EIF4EBP1: variants seen among roughly 807,000 people sequenced by gnomAD.
EIF4EBP1 encodes the protein eukaryotic translation initiation factor 4E-binding protein 1.
A neutral mutation model predicts 9.2 loss-of-function variants in EIF4EBP1; 5 were observed. That is an observed-to-expected ratio of 0.54 (90% CI 0.28 to 1.14). The LOEUF (loss-of-function observed/expected upper bound fraction) is 1.14, where lower values mean the gene tolerates loss of function less well. EIF4EBP1 is among the 50% of genes most tolerant of loss of function. The pLI, the probability that EIF4EBP1 is intolerant of heterozygous loss-of-function variation, is 0.09. For missense variants in EIF4EBP1, 139 were observed against 169.6 expected (o/e 0.82, Z 1.00); for synonymous variants, 62 against 67.0 (o/e 0.93, Z 0.36).
intron 1 of EIF4EBP1, among the ~76,000 whole-genome samples, chr8:38,032,847 C>T (rs989079536): frequency 2.0e-5 from 3 of 152,168 alleles, no homozygotes; most frequent in African/African-American, 7.2e-5. Context: ...TGGACTCTTC[C>T]TCCAAAGCCC....
intron 1 of EIF4EBP1, among the ~76,000 whole-genome samples, chr8:38,034,988 C>T (rs749001950): frequency 3.1e-4 from 47 of 152,148 alleles, no homozygotes; most frequent in Non-Finnish European, 5.7e-4. Flanking sequence ...GGTGCGGTGG[C>T]TCACTCCTGT....
At chr8:38,040,010 T>G (rs1585523917) in intron 1 of EIF4EBP1, among the ~76,000 whole-genome samples, 1 of 152,170 alleles carries the variant, frequency 6.6e-6, no homozygotes, top group African/African-American at 2.4e-5. Context: ...TGCCTCAGCT[T>G]CCCGAGTAGC....
intron 1 of EIF4EBP1, among the ~76,000 whole-genome samples, chr8:38,048,576 C>T (rs1809476135): frequency 6.6e-6 from 1 of 152,140 alleles, no homozygotes; most frequent in Non-Finnish European, 1.5e-5. Context: ...TTTGGAGTAA[C>T]AGTTTGGCTG....
intron 1 of EIF4EBP1, among the ~76,000 whole-genome samples, chr8:38,052,739 G>C (rs1248906076): frequency 6.6e-6 from 1 of 151,604 alleles, no homozygotes; most frequent in Non-Finnish European, 1.5e-5. Flanking sequence ...AAAAATTGTA[G>C]ATAAGGTCTT....
chr8:38,054,049 C>A (rs751269606), intron 1 of EIF4EBP1, among the ~76,000 whole-genome samples: 2 of 152,140 alleles, frequency 1.3e-5, no homozygotes, highest in African/African-American at 4.8e-5. Context: ...TAAAAAGTCA[C>A]CAGGGGCTGA....
chr8:38,036,804 A>G (rs1809308903), intron 1 of EIF4EBP1, among the ~76,000 whole-genome samples: 1 of 151,922 alleles, frequency 6.6e-6, no homozygotes. Flanking sequence ...ATGCACCACC[A>G]CAACCGGCTA....
intron 1 of EIF4EBP1, among the ~76,000 whole-genome samples, chr8:38,033,062 C>CTTT (rs765781155): frequency 1.5e-4 from 19 of 125,458 alleles, no homozygotes; most frequent in South Asian, 2.5e-4. Flanking sequence ...TTCTTTCTTT[C>CTTT]TTTTTTTTTT....
chr8:38,059,541 C>T (rs1360992213), intron 2 of EIF4EBP1, among the ~76,000 whole-genome samples: 1 of 152,034 alleles, frequency 6.6e-6, no homozygotes, highest in Non-Finnish European at 1.5e-5. Context: ...CATCTGAGAT[C>T]AGGAGTTCGA....
chr8:38,058,036 A>C (rs1479980265), intron 2 of EIF4EBP1, among the ~76,000 whole-genome samples: 9 of 152,078 alleles, frequency 5.9e-5, no homozygotes, highest in Admixed American at 5.9e-4. Flanking sequence ...AGCAGCAGGG[A>C]CCTCAGCTTG....
At chr8:38,056,997 A>C in intron 1 of EIF4EBP1, 84 bp from the exon 2 acceptor site, 1 of 1,422,300 alleles carries the variant, frequency 7.0e-7, no homozygotes, top group Non-Finnish European at 9.9e-7. Context: ...TGCTGCCTCT[A>C]CTGCAGCCAC....
intron 1 of EIF4EBP1, among the ~76,000 whole-genome samples, chr8:38,052,457 A>C (rs1482287408): frequency 6.7e-6 from 1 of 149,686 alleles, no homozygotes; most frequent in African/African-American, 2.6e-5. Context: ...GGCCAGGTGC[A>C]GTGGCTCATG....
chr8:38,035,986 CA>C (rs1399434660), intron 1 of EIF4EBP1, among the ~76,000 whole-genome samples: 1 of 151,350 alleles, frequency 6.6e-6, no homozygotes, highest in Non-Finnish European at 1.5e-5. Flanking sequence ...ACATTACAGC[CA>C]TGAGTCACCG....
intron 1 of EIF4EBP1, among the ~76,000 whole-genome samples, chr8:38,033,745 T>C (rs1382143691): frequency 7.3e-6 from 1 of 136,892 alleles, no homozygotes; most frequent in African/African-American, 2.8e-5. Flanking sequence ...TTGCTTTCCT[T>C]TTTTTTTTTT....
At chr8:38,044,934 A>G (rs1050382682) in intron 1 of EIF4EBP1, among the ~76,000 whole-genome samples, 1 of 152,124 alleles carries the variant, frequency 6.6e-6, no homozygotes, top group Non-Finnish European at 1.5e-5. Context: ...ACAGATGGCA[A>G]CGATTGCTGT....
chr8:38,048,437 T>C (rs773800331), intron 1 of EIF4EBP1, among the ~76,000 whole-genome samples: 46 of 152,192 alleles, frequency 3.0e-4, no homozygotes, highest in Non-Finnish European at 5.0e-4. Flanking sequence ...AAAATGTGCT[T>C]AGTTTTCATT....
chr8:38,042,734 C>T (rs1157394185), intron 1 of EIF4EBP1, among the ~76,000 whole-genome samples: 4 of 152,176 alleles, frequency 2.6e-5, no homozygotes, highest in Admixed American at 6.6e-5. Flanking sequence ...AATACAGTTG[C>T]ATTCCGAGGT....
chr8:38,039,170 G>C (rs185701628), intron 1 of EIF4EBP1, among the ~76,000 whole-genome samples: 1 of 152,008 alleles, frequency 6.6e-6, no homozygotes, highest in East Asian at 1.9e-4. Flanking sequence ...GGGATTACAG[G>C]CGTGAGCCAC....
chr8:38,034,204 G>A (rs776197353), intron 1 of EIF4EBP1, among the ~76,000 whole-genome samples: 15 of 151,692 alleles, frequency 9.9e-5, no homozygotes, highest in Non-Finnish European at 1.9e-4. Flanking sequence ...GTGCCACCAT[G>A]CCCTGCTAAT....
chr8:38,056,555 G>A (rs1342486244), intron 1 of EIF4EBP1, among the ~76,000 whole-genome samples: 1 of 152,112 alleles, frequency 6.6e-6, no homozygotes, highest in Non-Finnish European at 1.5e-5. Flanking sequence ...TTGGTGGCCT[G>A]CAGACCCCTT....
Sources: allele counts gnomAD v4.1 joint callset (sites outside exome capture counted in the v4.1 genomes callset), GRCh38; gene constraint gnomAD v4.1.1; transcripts MANE v1.5; gene names NCBI Gene and HGNC (gene_info 2026-07-23, HGNC 2026-07-21).